The following UNC5C variants were observed in gnomAD, a reference collection of about 807,000 sequenced individuals.
UNC5C encodes netrin receptor UNC5C.
UNC5C carries 47 observed loss-of-function variants against 99.8 expected under a neutral mutation model. The ratio of observed to expected loss-of-function variants is 0.47; its 90% CI spans 0.37 to 0.60. The LOEUF (loss-of-function observed/expected upper bound fraction) is 0.60, where lower values mean the gene tolerates loss of function less well. Ranked by LOEUF, UNC5C falls within the 20% of genes least tolerant of loss-of-function variation. The probability of loss-of-function intolerance (pLI) is 0.00; values close to 1 mark genes in which losing one functional copy is unlikely to be tolerated. For synonymous variants in UNC5C, 487 were observed against 452.2 expected (o/e 1.08, Z -0.98); for missense variants, 1,062 against 1,165.9 (o/e 0.91, Z 1.30).
intron 7 of UNC5C, among the ~76,000 whole-genome samples, chr4:95,223,224 G>T (rs187415511): frequency 6.6e-6 from 1 of 152,228 alleles, no homozygotes; most frequent in Non-Finnish European, 1.5e-5. Context: ...TCTTATACTG[G>T]TAACCACAGT....
intron 5 of UNC5C, chr4:95,248,630 A>G (rs1355590715): frequency 2.2e-6 from 1 of 449,782 alleles, no homozygotes; most frequent in Non-Finnish European, 4.4e-6. Flanking sequence ...TAATGCAGAA[A>G]ATAGTCAATA....
At chr4:95,445,623 G>A (rs1747079190) in intron 1 of UNC5C, among the ~76,000 whole-genome samples, 2 of 152,164 alleles carry the variant, frequency 1.3e-5, no homozygotes, top group South Asian at 2.1e-4. Flanking sequence ...AATATGTCTA[G>A]TATGAAGGAA....
intron 7 of UNC5C, chr4:95,222,135 G>T: frequency 9.1e-7 from 1 of 1,104,622 alleles, no homozygotes; most frequent in Non-Finnish European, 1.2e-6. Context: ...GTAATCCGAA[G>T]AAAGGTAAAC....
chr4:95,312,028 CA>C (rs1185128300), intron 2 of UNC5C, among the ~76,000 whole-genome samples: 1 of 150,816 alleles, frequency 6.6e-6, no homozygotes, highest in East Asian at 1.9e-4. Context: ...GCTTGGGTGA[CA>C]GAGTGAAATC....
chr4:95,351,199 G>C (rs1435939501), intron 1 of UNC5C, among the ~76,000 whole-genome samples: 1 of 152,010 alleles, frequency 6.6e-6, no homozygotes, highest in Admixed American at 6.6e-5. Flanking sequence ...GCTCCTTGCT[G>C]TTTTCCTGGT....
chr4:95,190,268 C>G (rs1431077463), intron 12 of UNC5C, among the ~76,000 whole-genome samples: 1 of 150,320 alleles, frequency 6.7e-6, no homozygotes, highest in Non-Finnish European at 1.5e-5. Flanking sequence ...CATGTTCTCA[C>G]TCATAGGTGG....
chr4:95,513,787 T>C (rs1425612023), intron 1 of UNC5C, among the ~76,000 whole-genome samples: 1 of 152,166 alleles, frequency 6.6e-6, no homozygotes, highest in Non-Finnish European at 1.5e-5. Flanking sequence ...GATATATTTT[T>C]CTTGGACGCT....
Position 95,245,119 on chromosome 4 carries a change from C to T in UNC5C, c.801G>A (p.Thr267=), listed in dbSNP as rs35120448. The change falls in exon 6 of 16, where the codon ACG becomes ACA. Residue 267 remains threonine (T), a synonymous_variant. Coordinates refer to ENST00000453304, the MANE Select transcript of UNC5C (RefSeq NM_003728.4). Reference sequence around the variant, plus strand: ...AGCGGCTGTTACACACAGACCACTCCGTCCAGGTGGACCAGCCACCGTTGA... The same window carrying T: ...AGCGGCTGTTACACACAGACCACTCTGTCCAGGTGGACCAGCCACCGTTGA... ...VYVNGGWSTW[T]EWSVCNSRCG... 0.049 allele frequency: 78,616 copies of T among 1,612,702 alleles called. 2,095 individuals are homozygous for T. Among genetic ancestry groups the T allele is most frequent in the Non-Finnish European group, 0.056 (66,468 of 1,179,608 alleles).
intron 13 of UNC5C, 95 bp downstream of exon 13, chr4:95,184,952 T>C: frequency 7.6e-7 from 1 of 1,317,340 alleles, no homozygotes; most frequent in Non-Finnish European, 1.0e-6. Flanking sequence ...TGACATATGA[T>C]TAATTTCAAG....
chr4:95,478,403 A>G (rs1336235026), intron 1 of UNC5C, among the ~76,000 whole-genome samples: 1 of 151,940 alleles, frequency 6.6e-6, no homozygotes, highest in Non-Finnish European at 1.5e-5. Flanking sequence ...TCTACCTGAC[A>G]TTTGCTTTGC....
At chr4:95,547,638 T>C (rs924698924) in intron 1 of UNC5C, among the ~76,000 whole-genome samples, 1 of 152,216 alleles carries the variant, frequency 6.6e-6, no homozygotes, top group Non-Finnish European at 1.5e-5. Flanking sequence ...CTATCACCAC[T>C]GAAGTGGGCT....
chr4:95,387,054 A>T (rs1045804882), intron 1 of UNC5C, among the ~76,000 whole-genome samples: 1 of 146,996 alleles, frequency 6.8e-6, no homozygotes, highest in East Asian at 2.1e-4. Context: ...ATCATAAAGA[A>T]GTAATATTTA....
At chr4:95,226,135 T>G (rs541857252) in intron 7 of UNC5C, among the ~76,000 whole-genome samples, 1 of 152,220 alleles carries the variant, frequency 6.6e-6, no homozygotes, top group Non-Finnish European at 1.5e-5. Flanking sequence ...TTTCGGTTGC[T>G]ACCGACAGCC....
chr4:95,239,837 A>G (rs557252788), intron 7 of UNC5C, among the ~76,000 whole-genome samples: 7 of 152,364 alleles, frequency 4.6e-5, no homozygotes, highest in African/African-American at 1.4e-4. Context: ...TATTTTCTAT[A>G]TATTTCACAT....
chr4:95,188,385 G>A (rs1173459707), intron 12 of UNC5C, among the ~76,000 whole-genome samples: 1 of 152,166 alleles, frequency 6.6e-6, no homozygotes, highest in Non-Finnish European at 1.5e-5. Context: ...GATCTCAGTC[G>A]ATCATCCAGC....
At chr4:95,491,036 T>A (rs1578192553) in intron 1 of UNC5C, among the ~76,000 whole-genome samples, 1 of 151,552 alleles carries the variant, frequency 6.6e-6, no homozygotes, top group Non-Finnish European at 1.5e-5. Flanking sequence ...GTCTGTTGAA[T>A]GAACAAATCA....
At chr4:95,468,933 C>A (rs1747882065) in intron 1 of UNC5C, among the ~76,000 whole-genome samples, 1 of 152,144 alleles carries the variant, frequency 6.6e-6, no homozygotes, top group South Asian at 2.1e-4. Flanking sequence ...AACCAATTCA[C>A]AAAAGGGGTT....
intron 1 of UNC5C, among the ~76,000 whole-genome samples, chr4:95,534,264 TTTAG>T (rs1722721925): frequency 6.6e-6 from 1 of 152,206 alleles, no homozygotes; most frequent in Admixed American, 6.5e-5. Context: ...TCCTTGTTTA[TTTAG>T]TTAGTTAATG....
At chr4:95,428,290 A>G (rs921011141) in intron 1 of UNC5C, among the ~76,000 whole-genome samples, 1 of 152,136 alleles carries the variant, frequency 6.6e-6, no homozygotes, top group African/African-American at 2.4e-5. Context: ...CACATATTCA[A>G]CTTGTACTTA....
Sources: gnomAD v4.1 joint callset for allele counts (sites outside exome capture counted in the v4.1 genomes callset) on GRCh38, gnomAD v4.1.1 for gene constraint, MANE v1.5 for transcripts, NCBI Gene and HGNC (gene_info 2026-07-23, HGNC 2026-07-21) for gene names.